RCC2: variants seen among roughly 807,000 people sequenced by gnomAD.
RCC2 encodes the protein protein RCC2.
Under a neutral mutation model 64.1 loss-of-function variants are expected in RCC2, and 19 were observed. That is an observed-to-expected ratio of 0.30 (90% CI 0.21 to 0.44). RCC2 has a LOEUF of 0.44. Among genes scored for constraint, RCC2 ranks in the 20% least tolerant of loss-of-function variants. The probability of loss-of-function intolerance (pLI) is 1.00; values close to 1 mark genes in which losing one functional copy is unlikely to be tolerated. For synonymous variants in RCC2, 325 were observed against 279.6 expected, an observed-to-expected ratio of 1.16 and a Z score of -1.62; for missense variants, 508 against 710.4, an observed-to-expected ratio of 0.72 and a Z score of 3.24.
Position 17,422,749 on chromosome 1 carries a change from A to G in RCC2, c.611T>C (p.Ile204Thr). The G allele has an allele frequency of 6.2e-7, 1 of 1,613,992 alleles. No individual in the cohort carries two copies. Among genetic ancestry groups the G allele is most frequent in the Non-Finnish European group, 8.5e-7 (1 of 1,179,954 alleles). The change falls in exon 5 of 13, where the codon ATT becomes ACT. Residue 204 changes from isoleucine to threonine, a missense_variant. Transcript: ENST00000375436. ...RLIEGLSHEV[I>T]VSAACGRNHT... is the part of the protein sequence containing the mutation. Reference sequence around the variant, plus strand: ...GTTCCGCCCACATGCTGCAGACACAATCACTTCGTGGCTAAGACCCTCGAT... The same window carrying G: ...GTTCCGCCCACATGCTGCAGACACAGTCACTTCGTGGCTAAGACCCTCGAT...
chr1:17,409,487 ATCCCCCCCC>A (rs2075402114), intron 12 of RCC2, among the ~76,000 whole-genome samples: 1 of 151,930 alleles, frequency 6.6e-6, no homozygotes, highest in Admixed American at 6.6e-5. Flanking sequence ...CTCCACTTCC[ATCCCCCCCC>A]TCTCTGGCTC....
In RCC2 at chr1:17,438,534, C is replaced by A; in HGVS notation, c.-8-12G>T. The A allele has an allele frequency of 7.6e-7, 1 of 1,321,410 alleles. No homozygotes were observed. Among genetic ancestry groups the A allele is most frequent in the Non-Finnish European group, 9.6e-7 (1 of 1,037,204 alleles). 81.9% of individuals were successfully genotyped at this position (1,321,410 alleles called of 1,614,324 possible). A position where few individuals can be genotyped will look rare whatever the true frequency, so the allele number is the denominator to read the frequency against. ...GGGCATGGTCGCGGCTGGAGGGAGA[C>A]ACGGGGCAGCGGCGCACAATGGACG... On this transcript the variant is annotated splice_polypyrimidine_tract_variant and intron_variant, in intron 1 of 12. Transcript: ENST00000375436.
chr1:17,428,274 C>A (rs987381642), intron 3 of RCC2, among the ~76,000 whole-genome samples: 1 of 152,272 alleles, frequency 6.6e-6, no homozygotes, highest in African/African-American at 2.4e-5. Context: ...GGGACAAAAG[C>A]CACCATGTGG....
intron 3 of RCC2, 71 bp from the exon 4 acceptor site, chr1:17,425,755 C>A: frequency 6.7e-7 from 1 of 1,493,382 alleles, no homozygotes; most frequent in Non-Finnish European, 9.1e-7. Context: ...TCACTGGCCA[C>A]CAAGCAGCCA....
intron 2 of RCC2, among the ~76,000 whole-genome samples, chr1:17,437,753 ACGGCCGCTCCCCGCAGAGCGC>A (rs1282753383): frequency 9.7e-4 from 2 of 2,068 alleles, no homozygotes; most frequent in East Asian, 0.011. Context: ...CCCGGCGCAA[ACGGCCGCTCCCCGCAGAGCGC>A]CGGCCGCCCC....
chr1:17,420,919 G>C, intron 6 of RCC2, 91 bp from the exon 7 acceptor site: 1 of 785,618 alleles, frequency 1.3e-6, no homozygotes, highest in Non-Finnish European at 2.1e-6. Flanking sequence ...CAATTACTAG[G>C]TTACAAACGG....
chr1:17,433,378 A>C (rs1181186293), intron 2 of RCC2, among the ~76,000 whole-genome samples: 1 of 152,230 alleles, frequency 6.6e-6, no homozygotes, highest in Admixed American at 6.5e-5. Context: ...AGAAACAGCC[A>C]ATCGTGGGAG....
At chr1:17,438,180 C>T (rs759031176) in intron 2 of RCC2, 50 bp downstream of exon 2, 3 of 1,143,930 alleles carry the variant, frequency 2.6e-6, no homozygotes, top group South Asian at 3.6e-5. Flanking sequence ...CGTCGCTGAG[C>T]CCGCCGGCCC....
intron 9 of RCC2, 58 bp from the exon 10 acceptor site, chr1:17,413,236 C>G (rs1262020449): frequency 8.2e-7 from 1 of 1,225,290 alleles, no homozygotes; most frequent in Non-Finnish European, 1.2e-6. Context: ...TGAGTCTCAT[C>G]TTCAGTATTA....
At chr1:17,435,296 T>C (rs1334142104) in intron 2 of RCC2, among the ~76,000 whole-genome samples, 1 of 152,238 alleles carries the variant, frequency 6.6e-6, no homozygotes, top group Non-Finnish European at 1.5e-5. Flanking sequence ...TGGCTCATCT[T>C]CTACAAGCCC....
chr1:17,438,430 C>T lies in RCC2; in HGVS notation c.85G>A (p.Gly29Ser), dbSNP rs2075767156. 8.6e-6 allele frequency: 11 copies of T among 1,283,654 alleles called. No individual in the cohort carries two copies. Among genetic ancestry groups the T allele is most frequent in the Non-Finnish European group, 5.9e-6 (6 of 1,019,582 alleles). The allele number at this position is 1,283,654 out of a possible 1,614,324, so 79.5% of individuals were successfully genotyped here. The change falls in exon 2 of 13, where the codon GGC becomes AGC. Residue 29 changes from glycine (G) to serine (S), a missense_variant. Around this residue, in one of 4 missense-constraint regions of RCC2, gnomAD observed 195 missense variants for 158.3 expected, o/e 1.23. Transcript: ENST00000375436. ...TCGCGCTTCCTGCCCGCCGGGCCGC[C>T]GCGTTTCCTGGGCCCGGCGCGGGCA... is the stretch of plus-strand genomic sequence containing the variant. ...GTARAGPRKR[G>S]GPAGRKRERP...
chr1:17,420,826 T>C lies in RCC2; in HGVS notation c.747A>G (p.Ile249Met). The C allele has an allele frequency of 3.1e-6, 5 of 1,591,054 alleles. No homozygotes were observed. Among genetic ancestry groups the C allele is most frequent in the Non-Finnish European group, 4.3e-6 (5 of 1,169,784 alleles). ...TGGTAATTGGCTGGCCGTTGTACATTATCTGAAAAGACAAGAAAGGAGACT... is the reference window on the plus strand; with the variant it reads ...TGGTAATTGGCTGGCCGTTGTACATCATCTGAAAAGACAAGAAAGGAGACT... ...QTDAVPSPAQ[I>M]MYNGQPITKM... The change falls in exon 7 of 13, where the codon ATA becomes ATG. Residue 249 changes from isoleucine to methionine, a missense_variant and splice_region_variant. Physicochemically the swap from Ile to Met is conservative, Grantham distance 10. This residue lies in a region of RCC2 where 132 missense variants were observed against 207.3 expected (regional missense o/e 0.64). Transcript: ENST00000375436.
At chr1:17,418,504 A>G (rs964844149) in intron 7 of RCC2, among the ~76,000 whole-genome samples, 4 of 152,054 alleles carry the variant, frequency 2.6e-5, no homozygotes, top group African/African-American at 9.7e-5. Context: ...CAAAAATACA[A>G]AAATTAGCCA....
rs555488093 is a variant in RCC2 at position 17,408,293 on chromosome 1, T to C, written c.*797A>G. 10 of 152,428 alleles carry C rather than the reference T, an allele frequency of 6.6e-5. No individual in the cohort carries two copies. Among genetic ancestry groups the C allele is most frequent in the African/African-American group, 7.2e-5 (3 of 41,590 alleles). The allele number at this position is 152,428 out of a possible 1,614,324, so 9.4% of individuals were successfully genotyped here. On this transcript the variant is annotated 3_prime_UTR_variant, in exon 13 of 13. Transcript: ENST00000375436. ...GAGTGCGCGTGACAAGGCTCAGCCC[T>C]GGCTCCACAGGGAGCCACCAAGCTG...
intron 6 of RCC2, among the ~76,000 whole-genome samples, chr1:17,421,596 AC>A (rs1283148749): frequency 2.6e-5 from 4 of 152,196 alleles, no homozygotes; most frequent in African/African-American, 9.7e-5. Context: ...AAGTACAATT[AC>A]ATCCATATAA....
At chr1:17,423,696 C>T (rs2075581851) in intron 4 of RCC2, among the ~76,000 whole-genome samples, 1 of 152,268 alleles carries the variant, frequency 6.6e-6, no homozygotes, top group Non-Finnish European at 1.5e-5. Flanking sequence ...ACTCTCGGAT[C>T]CCTCCCGATA....
At chr1:17,425,295 T>C (rs900982309) in intron 4 of RCC2, among the ~76,000 whole-genome samples, 4 of 152,068 alleles carry the variant, frequency 2.6e-5, no homozygotes, top group Admixed American at 6.6e-5. Flanking sequence ...ATGTTCCTTG[T>C]GTAAACACAA....
At chr1:17,417,477 G>A (rs76099326) in intron 7 of RCC2, among the ~76,000 whole-genome samples, 1 of 152,180 alleles carries the variant, frequency 6.6e-6, no homozygotes, top group East Asian at 1.9e-4. Context: ...AGACCAGCCT[G>A]GCCAACACAG....
At chr1:17,433,875 T>C (rs373285175) in intron 2 of RCC2, among the ~76,000 whole-genome samples, 10 of 150,644 alleles carry the variant, frequency 6.6e-5, no homozygotes, top group African/African-American at 1.5e-4. Flanking sequence ...CATCGACCAA[T>C]TACCTAAGGG....
Sources: allele counts gnomAD v4.1 joint callset (sites outside exome capture counted in the v4.1 genomes callset), GRCh38; gene constraint gnomAD v4.1.1; regional missense constraint gnomAD v4.1.1; transcripts MANE v1.5; gene names NCBI Gene and HGNC (gene_info 2026-07-23, HGNC 2026-07-21).